The following ETV1 variants were observed in gnomAD, a reference collection of about 807,000 sequenced individuals.
ETV1 encodes the protein ETS translocation variant 1.
ETV1 carries 27 observed loss-of-function variants against 62.3 expected under a neutral mutation model. That is an observed-to-expected ratio of 0.43 (90% CI 0.32 to 0.60). The LOEUF is 0.60. ETV1 is among the 20% of genes least tolerant of loss of function. The pLI, the probability that ETV1 is intolerant of heterozygous loss-of-function variation, is 0.06. For synonymous variants in ETV1, 222 were observed against 199.6 expected, an observed-to-expected ratio of 1.11 and a Z score of -0.94; for missense variants, 605 against 605.8, an observed-to-expected ratio of 1.00 and a Z score of 0.01.
intron 6 of ETV1, among the ~76,000 whole-genome samples, chr7:13,970,924 C>T (rs1474912286): frequency 2.0e-5 from 3 of 150,424 alleles, no homozygotes; most frequent in African/African-American, 7.3e-5. Context: ...TTTTCCACTT[C>T]ATTGAAAAAA....
At chr7:13,942,198 G>T (rs1167394117) in intron 6 of ETV1, among the ~76,000 whole-genome samples, 3 of 151,518 alleles carry the variant, frequency 2.0e-5, no homozygotes, top group Non-Finnish European at 2.9e-5. Flanking sequence ...TAACTTTTTG[G>T]ATTTTTAGTA....
chr7:13,896,123 C>T (rs767599969), intron 13 of ETV1, 36 bp from the exon 14 acceptor site: 4 of 1,553,612 alleles, frequency 2.6e-6, no homozygotes, highest in Non-Finnish European at 2.6e-6. Flanking sequence ...CCCATCCTCA[C>T]CATCGCCAGA....
At chr7:13,914,671 T>C (rs1209772822) in intron 9 of ETV1, among the ~76,000 whole-genome samples, 1 of 152,046 alleles carries the variant, frequency 6.6e-6, no homozygotes, top group Non-Finnish European at 1.5e-5. Context: ...ATTTGCATTT[T>C]CAAGCTATGC....
At chr7:13,973,386 C>A (rs1781092556) in intron 6 of ETV1, among the ~76,000 whole-genome samples, 1 of 152,164 alleles carries the variant, frequency 6.6e-6, no homozygotes, top group Non-Finnish European at 1.5e-5. Flanking sequence ...CCTCTGCCCC[C>A]ACTAAGCATA....
chr7:13,916,910 C>T (rs1161235981), intron 9 of ETV1, among the ~76,000 whole-genome samples: 1 of 144,190 alleles, frequency 6.9e-6, no homozygotes, highest in Non-Finnish European at 1.5e-5. Flanking sequence ...CCAACCTAGG[C>T]AACAGAGCCA....
chr7:13,982,716 A>T (rs767759401), intron 5 of ETV1, among the ~76,000 whole-genome samples: 23 of 152,060 alleles, frequency 1.5e-4, no homozygotes, highest in Admixed American at 9.8e-4. Flanking sequence ...TTCATGTTTT[A>T]TGTAAACCAC....
intron 8 of ETV1, among the ~76,000 whole-genome samples, chr7:13,935,248 GT>G (rs1427927026): frequency 2.0e-5 from 3 of 152,238 alleles, no homozygotes; most frequent in East Asian, 3.9e-4. Context: ...ATGGTCAACA[GT>G]TTTAATCAAA....
chr7:13,941,595 G>A (rs1258144036), intron 6 of ETV1, among the ~76,000 whole-genome samples: 2 of 152,298 alleles, frequency 1.3e-5, no homozygotes, highest in East Asian at 1.9e-4. Context: ...TCTAGGCCCA[G>A]TACGGTGGCT....
At chr7:13,918,269 A>C (rs1784415730) in intron 9 of ETV1, among the ~76,000 whole-genome samples, 1 of 152,144 alleles carries the variant, frequency 6.6e-6, no homozygotes, top group Admixed American at 6.5e-5. Context: ...GTCAAATGGT[A>C]TTTCTAGTTC....
At chr7:13,928,562 C>T (rs956471236) in intron 9 of ETV1, among the ~76,000 whole-genome samples, 2 of 151,344 alleles carry the variant, frequency 1.3e-5, no homozygotes, top group Admixed American at 6.6e-5. Flanking sequence ...TGCGGTGAGC[C>T]GAGATCGTGC....
At chr7:13,907,358 A>C (rs1477892637) in intron 11 of ETV1, among the ~76,000 whole-genome samples, 1 of 152,040 alleles carries the variant, frequency 6.6e-6, no homozygotes, top group East Asian at 1.9e-4. Flanking sequence ...TGTTTTTTCT[A>C]AAAGTCCAAT....
chr7:13,900,985 A>G lies in ETV1; in HGVS notation c.1111-146T>C, dbSNP rs565870951. Reference sequence around the variant, plus strand: ...AGTAGCAAGAGCTATCGTAATCTGGATTTCCTGTCTCCTGGTTTGCTTTTT... The same window carrying G: ...AGTAGCAAGAGCTATCGTAATCTGGGTTTCCTGTCTCCTGGTTTGCTTTTT... On this transcript the variant is annotated intron_variant, in intron 12 of 13. Transcript: ENST00000430479. 1.4e-5 allele frequency: 7 copies of G among 486,054 alleles called. No homozygotes were observed. The Admixed American group carries it at 2.0e-4, about 14-fold the overall frequency. The allele number at this position is 486,054 out of a possible 1,614,324, so 30.1% of individuals were successfully genotyped here.
chr7:13,969,298 A>G (rs760183808), intron 6 of ETV1, among the ~76,000 whole-genome samples: 3 of 152,098 alleles, frequency 2.0e-5, no homozygotes, highest in Non-Finnish European at 2.9e-5. Flanking sequence ...CAAAGATGAT[A>G]AAATAAGAAT....
chr7:13,988,476 A>G (rs1488275469), intron 3 of ETV1: 2 of 617,048 alleles, frequency 3.2e-6, no homozygotes, highest in African/African-American at 1.9e-5. Flanking sequence ...ATTTACACTT[A>G]AAGTTGTTTT....
At chr7:13,961,982 T>C (rs781139672) in intron 6 of ETV1, among the ~76,000 whole-genome samples, 1 of 152,088 alleles carries the variant, frequency 6.6e-6, no homozygotes, top group Admixed American at 6.6e-5. Flanking sequence ...GTGTAGACAT[T>C]ATTTATGAGT....
chr7:13,948,898 C>G (rs725964), intron 6 of ETV1, among the ~76,000 whole-genome samples: 16 of 151,904 alleles, frequency 1.1e-4, no homozygotes, highest in African/African-American at 3.4e-4. Flanking sequence ...TCTCTCAAAA[C>G]CAAAAATGTG....
intron 6 of ETV1, among the ~76,000 whole-genome samples, chr7:13,953,460 A>G (rs773957319): frequency 2.0e-5 from 3 of 152,150 alleles, no homozygotes; most frequent in Non-Finnish European, 4.4e-5. Context: ...ATAATGGACA[A>G]TACATATTTA....
chr7:13,911,157 G>T (rs1448218267), intron 10 of ETV1, 82 bp downstream of exon 10: 3 of 910,322 alleles, frequency 3.3e-6, no homozygotes, highest in Admixed American at 4.2e-5. Flanking sequence ...ATAATATAAT[G>T]ATTAATTAAA....
intron 9 of ETV1, among the ~76,000 whole-genome samples, chr7:13,922,839 C>T (rs879756542): frequency 6.6e-6 from 1 of 152,072 alleles, no homozygotes; most frequent in Non-Finnish European, 1.5e-5. Context: ...TTTTTGGTTG[C>T]TTATGTGTGC....
Sources: gnomAD v4.1 joint callset for allele counts (sites outside exome capture counted in the v4.1 genomes callset) on GRCh38, gnomAD v4.1.1 for gene constraint, MANE v1.5 for transcripts, NCBI Gene and HGNC (gene_info 2026-07-23, HGNC 2026-07-21) for gene names.